PSMD14: variants seen among roughly 807,000 people sequenced by gnomAD.
PSMD14 encodes ubiquitin C-terminal hydrolase PSMD14.
Under a neutral mutation model 41.2 loss-of-function variants are expected in PSMD14, and 7 were observed. The observed-to-expected ratio is 0.17, with a 90% CI of 0.10 to 0.32. The LOEUF is 0.32. Among genes scored for constraint, PSMD14 ranks in the 10% least tolerant of loss-of-function variants. The pLI is 1.00. For synonymous variants in PSMD14, 114 were observed against 122.3 expected, an observed-to-expected ratio of 0.93 and a Z score of 0.45; for missense variants, 139 against 375.6, an observed-to-expected ratio of 0.37 and a Z score of 5.21.
chr2:161,381,108 T>G (rs1683565826), intron 7 of PSMD14, among the ~76,000 whole-genome samples: 1 of 151,734 alleles, frequency 6.6e-6, no homozygotes, highest in African/African-American at 2.4e-5. Context: ...ATTTTTACTT[T>G]TTTTCTTTTT....
At chr2:161,337,684 T>C (rs1441527279) in intron 3 of PSMD14, among the ~76,000 whole-genome samples, 1 of 152,214 alleles carries the variant, frequency 6.6e-6, no homozygotes, top group Non-Finnish European at 1.5e-5. Flanking sequence ...TGGCTGCCAG[T>C]GCACATGACT....
intron 3 of PSMD14, among the ~76,000 whole-genome samples, chr2:161,327,946 C>CTGTGTATGTGTG (rs1682724574): frequency 8.5e-6 from 1 of 117,116 alleles, no homozygotes; most frequent in Non-Finnish European, 1.8e-5. Context: ...CTCATGTAAG[C>CTGTGTATGTGTG]TGTGTGTGTG....
intron 3 of PSMD14, among the ~76,000 whole-genome samples, chr2:161,347,212 A>G (rs994948547): frequency 3.9e-5 from 6 of 152,190 alleles, no homozygotes; most frequent in African/African-American, 1.2e-4. Flanking sequence ...CTATTGTTTC[A>G]TAGAGTTTTG....
chr2:161,322,430 C>G, intron 3 of PSMD14, among the ~76,000 whole-genome samples: 1 of 152,090 alleles, frequency 6.6e-6, no homozygotes, highest in Non-Finnish European at 1.5e-5. Flanking sequence ...TGCTTTGTTG[C>G]CCAGTCTGGA....
intron 10 of PSMD14, chr2:161,407,872 A>G (rs1683973179): frequency 6.6e-6 from 1 of 152,050 alleles, no homozygotes; most frequent in Non-Finnish European, 1.5e-5. Context: ...CTATGAATAA[A>G]TCATAGATTA....
intron 3 of PSMD14, among the ~76,000 whole-genome samples, chr2:161,357,035 C>CT (rs1254315328): frequency 1.4e-5 from 2 of 140,918 alleles, no homozygotes; most frequent in Admixed American, 1.4e-4. Context: ...GTAGGTAACA[C>CT]TTTGAGGCAT....
intron 3 of PSMD14, 119 bp from the exon 4 acceptor site, chr2:161,367,352 AAAAGGAT>A: frequency 2.8e-6 from 2 of 706,750 alleles, no homozygotes; most frequent in Non-Finnish European, 4.7e-6. Flanking sequence ...ATAGCCAAAT[AAAAGGAT>A]ACTTGACATG....
intron 3 of PSMD14, among the ~76,000 whole-genome samples, chr2:161,362,757 T>C (rs1439134000): frequency 6.6e-6 from 1 of 152,240 alleles, no homozygotes; most frequent in Non-Finnish European, 1.5e-5. Context: ...GTTTGGTTTC[T>C]CTACTCGTAT....
chr2:161,352,693 C>T (rs369144442), intron 3 of PSMD14, among the ~76,000 whole-genome samples: 124 of 152,140 alleles, frequency 8.2e-4, no homozygotes, highest in African/African-American at 2.8e-3. Context: ...TTTGGATTCC[C>T]TCTCCTCTGT....
intron 3 of PSMD14, among the ~76,000 whole-genome samples, chr2:161,331,645 T>G (rs1210409926): frequency 6.6e-6 from 1 of 152,256 alleles, no homozygotes; most frequent in East Asian, 1.9e-4. Flanking sequence ...TGTAGTAATA[T>G]AGGGAGACAG....
chr2:161,390,859 C>T lies in PSMD14; in HGVS notation c.571-245C>T, dbSNP rs542046741. Among the ~76,000 whole-genome samples, 7 of 152,274 alleles carry T rather than the reference C, an allele frequency of 4.6e-5. No homozygotes were observed. The South Asian group carries it at 1.5e-3, about 32-fold the overall frequency. ...CCTTATCTCTGACTGAGCAAGGCTA[C>T]TGAAACTGCTTAATTTGTGCTCCTC... On this transcript the variant is annotated intron_variant, in intron 8 of 11. Coordinates refer to ENST00000409682, the MANE Select transcript of PSMD14 (RefSeq NM_005805.6).
rs1005488074 is a variant in PSMD14, at chr2:161,321,414, C to T, written c.48+2541C>T. 9.2e-5 allele frequency among the ~76,000 whole-genome samples: 14 copies of T among 152,164 alleles called. No individual in the cohort carries two copies. In the South Asian group the frequency reaches 1.0e-3, roughly 11 times the overall value. On this transcript the variant is annotated intron_variant, in intron 3 of 11. Transcript: ENST00000409682. ...ATACGAATAACCCAATTTTGATGAA[C>T]GAAATGTCCAAGACATATTTTTTTT... is the stretch of plus-strand genomic sequence containing the variant.
intron 3 of PSMD14, among the ~76,000 whole-genome samples, chr2:161,361,199 G>C (rs1320196697): frequency 6.6e-6 from 1 of 151,970 alleles, no homozygotes; most frequent in East Asian, 1.9e-4. Flanking sequence ...ATATAGGAAA[G>C]GAAATTTAGT....
At chr2:161,316,908 C>G (rs969791390) in intron 2 of PSMD14, among the ~76,000 whole-genome samples, 4 of 152,128 alleles carry the variant, frequency 2.6e-5, no homozygotes, top group African/African-American at 9.7e-5. Context: ...CATCTGGAGT[C>G]TGTGTAAAGT....
intron 3 of PSMD14, among the ~76,000 whole-genome samples, chr2:161,356,540 A>T (rs1314605997): frequency 6.6e-6 from 1 of 152,112 alleles, no homozygotes; most frequent in Non-Finnish European, 1.5e-5. Context: ...ATACCATAAA[A>T]TTAAGAATTA....
intron 3 of PSMD14, among the ~76,000 whole-genome samples, chr2:161,345,955 G>C (rs1331057337): frequency 1.2e-4 from 19 of 152,108 alleles, no homozygotes. Flanking sequence ...ACAGTGGCAT[G>C]ATCACAGCTC....
intron 9 of PSMD14, among the ~76,000 whole-genome samples, chr2:161,394,580 A>C (rs562843223): frequency 1.3e-5 from 2 of 152,338 alleles, no homozygotes; most frequent in African/African-American, 4.8e-5. Flanking sequence ...AGCTATTATT[A>C]GATATTGTTC....
At chr2:161,396,097 C>T (rs1683789089) in intron 10 of PSMD14, among the ~76,000 whole-genome samples, 1 of 152,208 alleles carries the variant, frequency 6.6e-6, no homozygotes. Context: ...TAGGCTCTGA[C>T]TTTCAAGCTG....
intron 8 of PSMD14, among the ~76,000 whole-genome samples, chr2:161,386,762 A>G (rs1442201011): frequency 6.6e-6 from 1 of 151,964 alleles, no homozygotes; most frequent in African/African-American, 2.4e-5. Context: ...GCAAAAGGTT[A>G]AGTAGCATCT....
Sources: gnomAD v4.1 joint callset for allele counts (sites outside exome capture counted in the v4.1 genomes callset) on GRCh38, gnomAD v4.1.1 for gene constraint, MANE v1.5 for transcripts, NCBI Gene and HGNC (gene_info 2026-07-23, HGNC 2026-07-21) for gene names.